Variants in TNFSF4 observed in about 807,000 individuals in gnomAD.
TNFSF4 encodes the protein tumor necrosis factor ligand superfamily member 4.
TNFSF4 carries 4 observed loss-of-function variants against 7.3 expected under a neutral mutation model. That is an observed-to-expected ratio of 0.55 (90% CI 0.27 to 1.25). The LOEUF (loss-of-function observed/expected upper bound fraction) is 1.25. Among genes scored for constraint, TNFSF4 ranks in the 50% most tolerant of loss-of-function variants. The probability of loss-of-function intolerance (pLI) is 0.12; values close to 1 mark genes in which losing one functional copy is unlikely to be tolerated. For synonymous variants in TNFSF4, 76 were observed against 83.7 expected (o/e 0.91, Z 0.50); for missense variants, 181 against 208.8 (o/e 0.87, Z 0.82).
At chr1:173,198,137 T>C (rs1337138445) in intron 1 of TNFSF4, among the ~76,000 whole-genome samples, 2 of 152,224 alleles carry the variant, frequency 1.3e-5, no homozygotes, top group African/African-American at 4.8e-5. Flanking sequence ...TCTGATTTGC[T>C]ATATAACAAG....
At chr1:173,358,067 G>A in the TNFSF4 span, among the ~76,000 whole-genome samples, 2 of 152,076 alleles carry the variant, frequency 1.3e-5, no homozygotes, top group East Asian at 3.8e-4. Flanking sequence ...TCCTGGATTA[G>A]CCAGGTGGAC....
At chr1:173,173,887 G>A in the TNFSF4 span, among the ~76,000 whole-genome samples, 1 of 152,236 alleles carries the variant, frequency 6.6e-6, no homozygotes, top group Non-Finnish European at 1.5e-5. Context: ...ATGCCCTGGA[G>A]ACATTTTCTC....
At chr1:173,240,772 T>C in the TNFSF4 span, among the ~76,000 whole-genome samples, 9 of 152,342 alleles carry the variant, frequency 5.9e-5, no homozygotes, top group East Asian at 1.9e-4. Context: ...GCAGAATAGC[T>C]GTACCTGTTC....
chr1:173,211,768 T>C (rs1354366052), upstream of TNFSF4, among the ~76,000 whole-genome samples: 1 of 152,216 alleles, frequency 6.6e-6, no homozygotes, highest in Non-Finnish European at 1.5e-5. Context: ...CAGAGAATTC[T>C]AGCATTGAGT....
At chr1:173,202,792 A>G (rs1650004055) in intron 1 of TNFSF4, among the ~76,000 whole-genome samples, 1 of 152,132 alleles carries the variant, frequency 6.6e-6, no homozygotes, top group African/African-American at 2.4e-5. Context: ...ACTCAACTTG[A>G]GCTATTCAGA....
intron 1 of TNFSF4, among the ~76,000 whole-genome samples, chr1:173,201,479 C>T (rs10912564): frequency 0.42 from 63,507 of 151,922 alleles, 15,356 homozygotes; most frequent in African/African-American, 0.67. Flanking sequence ...AGTATGTTAA[C>T]GGAAGCATGT....
At chr1:173,341,146 G>A in the TNFSF4 span, among the ~76,000 whole-genome samples, 96,229 of 152,140 alleles carry the variant, frequency 0.63, 30,628 homozygotes, top group Admixed American at 0.69. Flanking sequence ...CAGCCATGCT[G>A]TACTGTGAGT....
the TNFSF4 span, chr1:173,363,392 T>C: frequency 3.0e-6 from 1 of 337,594 alleles, no homozygotes; most frequent in Non-Finnish European, 6.0e-6. Context: ...GATTCTTCAT[T>C]CTTTGAATTC....
the TNFSF4 span, among the ~76,000 whole-genome samples, chr1:173,215,120 A>C: frequency 6.6e-6 from 1 of 152,152 alleles, no homozygotes; most frequent in African/African-American, 2.4e-5. Context: ...GGCCTTTAGA[A>C]GAAAAGACAC....
At chr1:173,255,943 C>T in the TNFSF4 span, among the ~76,000 whole-genome samples, 2 of 151,964 alleles carry the variant, frequency 1.3e-5, no homozygotes, top group African/African-American at 4.8e-5. Context: ...GGGTGTTATT[C>T]AAAGAAAGAG....
chr1:173,216,543 A>G, the TNFSF4 span, among the ~76,000 whole-genome samples: 1 of 152,178 alleles, frequency 6.6e-6, no homozygotes, highest in South Asian at 2.1e-4. Flanking sequence ...CACATAAAGA[A>G]CCAAATGAAT....
chr1:173,449,583 C>T, the TNFSF4 span, among the ~76,000 whole-genome samples: 1 of 151,954 alleles, frequency 6.6e-6, no homozygotes, highest in Non-Finnish European at 1.5e-5. Flanking sequence ...CAAGCATCTG[C>T]CTACTTCAGT....
At chr1:173,432,650 A>G in the TNFSF4 span, among the ~76,000 whole-genome samples, 1 of 152,180 alleles carries the variant, frequency 6.6e-6, no homozygotes, top group African/African-American at 2.4e-5. Flanking sequence ...TGGCAACCCA[A>G]GCAGACTAAT....
chr1:173,409,251 GA>G, the TNFSF4 span, among the ~76,000 whole-genome samples: 1 of 152,208 alleles, frequency 6.6e-6, no homozygotes, highest in Non-Finnish European at 1.5e-5. Flanking sequence ...CCTACTCTGA[GA>G]GGGTCAAAGA....
chr1:173,371,080 G>A, the TNFSF4 span, among the ~76,000 whole-genome samples: 1 of 152,198 alleles, frequency 6.6e-6, no homozygotes, highest in Non-Finnish European at 1.5e-5. Flanking sequence ...GCAAGCACCA[G>A]CTCATGTCAT....
chr1:173,245,743 C>G, the TNFSF4 span, among the ~76,000 whole-genome samples: 1 of 152,114 alleles, frequency 6.6e-6, no homozygotes, highest in Non-Finnish European at 1.5e-5. Flanking sequence ...CCTAAGACCC[C>G]CTTTCTTCTC....
chr1:173,211,350 T>G (rs1650368696), upstream of TNFSF4, among the ~76,000 whole-genome samples: 1 of 152,224 alleles, frequency 6.6e-6, no homozygotes. Flanking sequence ...GTTTTTGTAC[T>G]CCAGGACCTC....
chr1:173,340,762 G>C, the TNFSF4 span, among the ~76,000 whole-genome samples: 1 of 151,698 alleles, frequency 6.6e-6, no homozygotes, highest in Non-Finnish European at 1.5e-5. Context: ...AGATAAAATA[G>C]ATGGGTAGGC....
the TNFSF4 span, among the ~76,000 whole-genome samples, chr1:173,215,853 C>A: frequency 6.6e-6 from 1 of 152,102 alleles, no homozygotes; most frequent in African/African-American, 2.4e-5. Context: ...TGTTTACACC[C>A]ATTAGCACTG....
Sources: allele counts gnomAD v4.1 joint callset (sites outside exome capture counted in the v4.1 genomes callset), GRCh38; gene constraint gnomAD v4.1.1; transcripts MANE v1.5; gene names NCBI Gene and HGNC (gene_info 2026-07-23, HGNC 2026-07-21).